Variants in CDH4 observed in about 807,000 individuals in gnomAD.
The protein encoded by CDH4 is cadherin 4, also known as cadherin-4.
A neutral mutation model predicts 86.0 loss-of-function variants in CDH4; 33 were observed. The observed-to-expected ratio is 0.38, with a 90% CI of 0.29 to 0.51. The LOEUF is 0.51. Ranked by LOEUF, CDH4 falls within the 20% of genes least tolerant of loss-of-function variation. The probability of loss-of-function intolerance (pLI) is 0.86; values close to 1 mark genes in which losing one functional copy is unlikely to be tolerated. For synonymous variants in CDH4, 555 were observed against 549.4 expected (o/e 1.01, Z -0.14); for missense variants, 1,114 against 1,307.4 (o/e 0.85, Z 2.28).
intron 2 of CDH4, among the ~76,000 whole-genome samples, chr20:61,432,855 T>TG (rs1376558803): frequency 3.0e-5 from 4 of 135,510 alleles, no homozygotes; most frequent in African/African-American, 1.0e-4. Flanking sequence ...TTTTTTTTTT[T>TG]GGAGACAGAG....
At chr20:61,412,729 C>T (rs1467261739) in intron 2 of CDH4, among the ~76,000 whole-genome samples, 1 of 152,198 alleles carries the variant, frequency 6.6e-6, no homozygotes, top group Non-Finnish European at 1.5e-5. Context: ...TCCCCAGAAG[C>T]TTTGGGACTG....
intron 2 of CDH4, among the ~76,000 whole-genome samples, chr20:61,449,225 C>T (rs2085367457): frequency 6.6e-6 from 1 of 151,834 alleles, no homozygotes; most frequent in African/African-American, 2.4e-5. Context: ...AGGCCCACAG[C>T]ATGGTGCATT....
rs201126750 is a variant in CDH4 at position 61,548,475 on chromosome 20, G to GC, written c.170-195081dup. On this transcript the variant is annotated intron_variant, in intron 2 of 15. Transcript: ENST00000614565. ...TTTCAGATGTTGAGATCAGTTCCCCGCCCCCCCATTACAGCCCTCGAATAT... is the reference window on the plus strand; with the variant it reads ...TTTCAGATGTTGAGATCAGTTCCCCGCCCCCCCCATTACAGCCCTCGAATAT... 6.7e-3 allele frequency among the ~76,000 whole-genome samples: 1,021 copies of GC among 151,934 alleles called. 5 individuals are homozygous for GC. The highest frequency in any genetic ancestry group is 0.01 in the Non-Finnish European group (713 of 67,954).
At chr20:61,797,575 A>C (rs573057845) in intron 4 of CDH4, among the ~76,000 whole-genome samples, 10 of 152,206 alleles carry the variant, frequency 6.6e-5, no homozygotes, top group Non-Finnish European at 1.2e-4. Context: ...ACTTGAGCCC[A>C]GAAGTTCGAG....
Position 61,392,943 on chromosome 20 carries a change from G to A in CDH4, c.169+138006G>A, listed in dbSNP as rs556225399. 3.3e-5 allele frequency among the ~76,000 whole-genome samples: 5 copies of A among 152,146 alleles called. No individual in the cohort carries two copies. The highest frequency in any genetic ancestry group is 2.1e-4 in the South Asian group (1 of 4,812). ...GGAAGGAGGTGCAGATACTCACCCC[G>A]ATACCCACCAAGGGCAGCCGAGCCT... On this transcript the variant is annotated intron_variant, in intron 2 of 15. Transcript: ENST00000614565. The surrounding 1 kb of genome is among the most constrained non-coding windows in gnomAD (Gnocchi z 5.7).
chr20:61,755,287 G>A (rs910905372), intron 3 of CDH4, among the ~76,000 whole-genome samples: 18 of 122,246 alleles, frequency 1.5e-4, no homozygotes, highest in African/African-American at 5.1e-4. Flanking sequence ...ACACACACAC[G>A]CCCCACACAC....
At chr20:61,565,939 T>C (rs1000233067) in intron 2 of CDH4, among the ~76,000 whole-genome samples, 1 of 152,152 alleles carries the variant, frequency 6.6e-6, no homozygotes, top group Non-Finnish European at 1.5e-5. Flanking sequence ...TCCAGCCCCA[T>C]GTACACTGTT....
chr20:61,800,347 C>A (rs934711543), intron 4 of CDH4, among the ~76,000 whole-genome samples: 1 of 152,218 alleles, frequency 6.6e-6, no homozygotes, highest in African/African-American at 2.4e-5. Context: ...TTTGCCCCCT[C>A]CTTGGGCACT....
chr20:61,831,445 C>G (rs1981609042), intron 4 of CDH4, among the ~76,000 whole-genome samples: 2 of 152,250 alleles, frequency 1.3e-5, no homozygotes, highest in South Asian at 4.1e-4. Context: ...ATCCCTGCAC[C>G]TGTAGAGCCT....
intron 2 of CDH4, among the ~76,000 whole-genome samples, chr20:61,735,552 TG>T (rs994425732): frequency 9.2e-5 from 14 of 152,026 alleles, no homozygotes; most frequent in African/African-American, 2.7e-4. Context: ...ACAGGAAACC[TG>T]GGGGGCCACA....
At chr20:61,779,603 G>A (rs534960356) in intron 4 of CDH4, among the ~76,000 whole-genome samples, 69 of 152,334 alleles carry the variant, frequency 4.5e-4, no homozygotes, top group African/African-American at 1.4e-3. Flanking sequence ...GGATAAATTC[G>A]GTTCCCATTT....
At chr20:61,527,259 T>TG (rs1425483154) in intron 2 of CDH4, among the ~76,000 whole-genome samples, 1 of 152,086 alleles carries the variant, frequency 6.6e-6, no homozygotes, top group East Asian at 1.9e-4. Flanking sequence ...TAAGAGCTTT[T>TG]TTTTTTTTTG....
intron 2 of CDH4, among the ~76,000 whole-genome samples, chr20:61,538,162 C>G (rs1042123257): frequency 1.3e-5 from 2 of 152,228 alleles, no homozygotes; most frequent in Non-Finnish European, 2.9e-5. Flanking sequence ...AAAGCCCACA[C>G]ACCCATTTGT....
At chr20:61,340,017 GTTAA>G (rs1257207163) in intron 2 of CDH4, among the ~76,000 whole-genome samples, 2 of 152,210 alleles carry the variant, frequency 1.3e-5, no homozygotes, top group East Asian at 3.8e-4. Flanking sequence ...AAGATGATGA[GTTAA>G]TTAATGAAGT....
chr20:61,347,659 T>A (rs919142855), intron 2 of CDH4, among the ~76,000 whole-genome samples: 5 of 152,220 alleles, frequency 3.3e-5, no homozygotes, highest in African/African-American at 1.2e-4. Context: ...AAGTCCATTG[T>A]TCAGCTTAGT....
intron 2 of CDH4, among the ~76,000 whole-genome samples, chr20:61,454,204 G>C (rs1445952532): frequency 6.6e-6 from 1 of 152,188 alleles, no homozygotes; most frequent in Admixed American, 6.5e-5. Flanking sequence ...GCCCTGGGCC[G>C]GCTGCTGGGA....
intron 2 of CDH4, among the ~76,000 whole-genome samples, chr20:61,346,750 A>G (rs1003214473): frequency 6.7e-6 from 1 of 149,432 alleles, no homozygotes; most frequent in African/African-American, 2.5e-5. Context: ...TCAAAAAAAA[A>G]AAAAAAATTA....
Position 61,708,782 on chromosome 20 carries a change from G to A in CDH4, c.170-34781G>A, listed in dbSNP as rs1009671929. 2.0e-5 allele frequency among the ~76,000 whole-genome samples: 3 copies of A among 152,232 alleles called. No individual in the cohort carries two copies. Among genetic ancestry groups the A allele is most frequent in the African/African-American group, 7.2e-5 (3 of 41,456 alleles). On this transcript the variant is annotated intron_variant, in intron 2 of 15. Coordinates refer to ENST00000614565, the MANE Select transcript of CDH4 (RefSeq NM_001794.5). This position sits in a 1 kb window ranked among gnomAD's most constrained non-coding sequence, Gnocchi z 4.5. ...TTCTCTGAGTGTGCATCATGGACGG[G>A]CATCTCCTCTGCAGGCTGTTTGTTA...
chr20:61,491,308 A>G (rs911913842), intron 2 of CDH4, among the ~76,000 whole-genome samples: 2 of 152,200 alleles, frequency 1.3e-5, no homozygotes, highest in Non-Finnish European at 2.9e-5. Context: ...GTTGGGCTGT[A>G]ATCTTGGTTC....
Sources: gnomAD v4.1 joint callset for allele counts (sites outside exome capture counted in the v4.1 genomes callset) on GRCh38, gnomAD v4.1.1 for gene constraint, Gnocchi (gnomAD v3.1) non-coding constraint, MANE v1.5 for transcripts, NCBI Gene and HGNC (gene_info 2026-07-23, HGNC 2026-07-21) for gene names.